Variants in THAP9 observed in about 807,000 individuals in gnomAD.
THAP9 encodes the protein DNA transposase THAP9.
Under a neutral mutation model 35.7 loss-of-function variants are expected in THAP9, and 20 were observed. That is an observed-to-expected ratio of 0.56 (90% CI 0.39 to 0.81). The LOEUF (loss-of-function observed/expected upper bound fraction) is 0.81, where lower values mean the gene tolerates loss of function less well. Among genes scored for constraint, THAP9 ranks in the 40% least tolerant of loss-of-function variants. The pLI, the probability that THAP9 is intolerant of heterozygous loss-of-function variation, is 0.00. For synonymous variants in THAP9, 335 were observed against 373.7 expected (o/e 0.90, Z 1.19); for missense variants, 870 against 1,047.4 (o/e 0.83, Z 2.34).
chr4:82,910,835 C>T lies in THAP9; in HGVS notation c.731+2900C>T. 7 of 359,810 alleles carry T rather than the reference C, an allele frequency of 1.9e-5. 1 individual carries two copies. Among genetic ancestry groups the T allele is most frequent in the South Asian group, 1.3e-4 (6 of 47,322 alleles). 22.3% of individuals were successfully genotyped at this position (359,810 alleles called of 1,614,324 possible). A position where few individuals can be genotyped will look rare whatever the true frequency, so the allele number is the denominator to read the frequency against. On this transcript the variant is annotated intron_variant, in intron 4 of 4. Transcript: ENST00000302236. Reference sequence around the variant, plus strand: ...AGGTAAGATGAGGACAGAGAATTGACCATTGGATTTTGCAAGATGAAGGTC... The same window carrying T: ...AGGTAAGATGAGGACAGAGAATTGATCATTGGATTTTGCAAGATGAAGGTC...
intron 4 of THAP9, among the ~76,000 whole-genome samples, chr4:82,915,142 C>G (rs1720995152): frequency 6.6e-6 from 1 of 152,074 alleles, no homozygotes; most frequent in Non-Finnish European, 1.5e-5. Context: ...CCGGTTTGCC[C>G]TATTTTAATA....
In THAP9 at chr4:82,918,161, AAGTTTTTCT is replaced by A; in HGVS notation, c.1951_1959del (p.Val651_Leu653del). On this transcript the variant is annotated inframe_deletion, in exon 5 of 5. Transcript: ENST00000302236. ...GAGACCAGATACAAATTTCAAGATGAAGTTTTTCTAAGCAAAGTAAGCATCTTTGACATT... is the reference window on the plus strand; with the variant it reads ...GAGACCAGATACAAATTTCAAGATGAAAGCAAAGTAAGCATCTTTGACATT... 6.2e-7 allele frequency: 1 copy of A among 1,614,158 alleles called. No homozygotes were observed. The highest frequency in any genetic ancestry group is 8.5e-7 in the Non-Finnish European group (1 of 1,179,998).
chr4:82,906,069 C>G, intron 2 of THAP9: 1 of 423,476 alleles, frequency 2.4e-6, no homozygotes, highest in Non-Finnish European at 4.4e-6. Flanking sequence ...TCCCAGTTTA[C>G]TACCACCTTT....
chr4:82,917,728 G>A lies in THAP9; in HGVS notation c.1516G>A (p.Gly506Ser). Residue 506 changes from glycine (G) to serine (S), a missense_variant, in exon 5 of 5, where the codon GGT becomes AGT. By Grantham distance (56) the Gly-to-Ser change is moderately conservative. Coordinates refer to ENST00000302236, the MANE Select transcript of THAP9 (RefSeq NM_024672.6). Reference protein sequence around the residue: ...LDLPPFQNCIGTIHFLRLINN... With the variant: ...LDLPPFQNCISTIHFLRLINN... Reference sequence around the variant, plus strand: ...CCTGCCACCTTTTCAAAACTGTATTGGTACCATCCATTTTTTACGTTTAAT... The same window carrying A: ...CCTGCCACCTTTTCAAAACTGTATTAGTACCATCCATTTTTTACGTTTAAT... 1 of 1,613,734 alleles carries A rather than the reference G, an allele frequency of 6.2e-7. No individual in the cohort carries two copies. Among genetic ancestry groups the A allele is most frequent in the Non-Finnish European group, 8.5e-7 (1 of 1,179,860 alleles).
At position 82,917,544 on chromosome 4, in the gene THAP9, C is replaced by T. The variant is rs1560699290; in HGVS notation, c.1332C>T (p.Leu444=). 20 of 1,613,674 alleles carry T rather than the reference C, an allele frequency of 1.2e-5. No homozygotes were observed. Among genetic ancestry groups the T allele is most frequent in the East Asian group, 2.2e-5 (1 of 44,872 alleles). The change falls in exon 5 of 5, where the codon CTC becomes CTT. Residue 444 remains leucine (L), a synonymous_variant. Transcript: ENST00000302236. ...FINGIAHWQH[L]VELVALEEQE... Reference sequence around the variant, plus strand: ...ATGGTATAGCACATTGGCAGCACCTCGTGGAGTTAGTAGCACTGGAGGAAC... The same window carrying T: ...ATGGTATAGCACATTGGCAGCACCTTGTGGAGTTAGTAGCACTGGAGGAAC...
In THAP9 at chr4:82,917,339, C is replaced by T. The variant is rs1237942405; in HGVS notation, c.1127C>T (p.Thr376Ile). 2.5e-6 allele frequency: 4 copies of T among 1,613,386 alleles called. No individual in the cohort carries two copies. The highest frequency in any genetic ancestry group is 2.5e-6 in the Non-Finnish European group (3 of 1,179,542). ...GTTCTGGCTGTTACATCTGATGCCA[C>T]AGCACATAGTGTTCAGATGGCAAAA... ...ITVLAVTSDA[T>I]AHSVQMAKAL... The change falls in exon 5 of 5, where the codon ACA becomes ATA. Residue 376 changes from threonine (T) to isoleucine (I), a missense_variant. Thr to Ile is a moderately conservative substitution (Grantham distance 89). Transcript: ENST00000302236.
rs780483417 is a variant in THAP9, at chr4:82,916,989, T to G, written c.777T>G (p.Ile259Met). 1 of 1,552,438 alleles carries G rather than the reference T, an allele frequency of 6.4e-7. No homozygotes were observed. Among genetic ancestry groups the G allele is most frequent in the Non-Finnish European group, 8.7e-7 (1 of 1,151,968 alleles). Residue 259 changes from isoleucine (I) to methionine (M), a missense_variant, in exon 5 of 5, where the codon ATT (isoleucine) becomes ATG (methionine). This residue lies in a region of THAP9 where 440 missense variants were observed against 501.2 expected (regional missense o/e 0.88). Transcript: ENST00000302236. ...CCAGTCCAGGTTTCAACAGCAACAT[T>G]TTTTCTTTTCTTCAACGAAGAGTAG... is the stretch of plus-strand genomic sequence containing the variant. ...CQPSPGFNSN[I>M]FSFLQRRVEN... is the part of the protein sequence containing the mutation.
chr4:82,908,028 T>C (rs1452248961), intron 4 of THAP9, 93 bp downstream of exon 4: 5 of 1,292,398 alleles, frequency 3.9e-6, no homozygotes, highest in East Asian at 5.0e-5. Flanking sequence ...TGTTAAACCA[T>C]ATTATTCTTT....
chr4:82,917,638 A>G lies in THAP9; in HGVS notation c.1426A>G (p.Asn476Asp), dbSNP rs769715839. 12 of 1,613,944 alleles carry G rather than the reference A, an allele frequency of 7.4e-6. No individual in the cohort carries two copies. The Admixed American group carries it at 2.0e-4, about 27-fold the overall frequency. The change falls in exon 5 of 5, where the codon AAT (asparagine) becomes GAT (aspartate). Residue 476 changes from asparagine (N) to aspartate (D), a missense_variant. Around this residue, in one of 3 missense-constraint regions of THAP9, gnomAD observed 414 missense variants for 500.8 expected, o/e 0.83. Coordinates refer to ENST00000302236, the MANE Select transcript of THAP9 (RefSeq NM_024672.6). ...TTTGAAAAATCATGTACTGAAAGTGAATAGTGCCACCCAACTCTTTAGTGA... is the reference window on the plus strand; with the variant it reads ...TTTGAAAAATCATGTACTGAAAGTGGATAGTGCCACCCAACTCTTTAGTGA... ...ANLKNHVLKV[N>D]SATQLFSESV... is the part of the protein sequence containing the mutation.
In THAP9 at chr4:82,918,217, T is replaced by C. The variant is rs1045164270; in HGVS notation, c.2005T>C (p.Leu669=). ...FDISIARRKD[L]ALWTVQRQYG... The stretch of plus-strand genomic sequence containing the variant: ...CATTTCAATTGCTCGAAGGAAAGAC[T>C]TGGCGCTTTGGACAGTTCAACGTCA... Residue 669 remains leucine, a synonymous_variant, in exon 5 of 5, where the codon TTG becomes CTG. Transcript: ENST00000302236. 2 of 1,614,078 alleles carry C rather than the reference T, an allele frequency of 1.2e-6. No homozygotes were observed. The highest frequency in any genetic ancestry group is 2.7e-5 in the African/African-American group (2 of 74,946).
chr4:82,904,600 T>G (rs1325960884), intron 1 of THAP9, 136 bp from the exon 2 acceptor site: 59 of 799,428 alleles, frequency 7.4e-5, no homozygotes, highest in Non-Finnish European at 1.1e-4. Context: ...ATGAACTAAG[T>G]AAATTAAACT....
At chr4:82,905,794 G>T in intron 2 of THAP9, 1 of 450,532 alleles carries the variant, frequency 2.2e-6, no homozygotes, top group South Asian at 1.6e-5. Flanking sequence ...CATTGTACTA[G>T]GAGATTTACA....
chr4:82,907,739 A>G, intron 3 of THAP9, 46 bp from the exon 4 acceptor site: 1 of 1,440,422 alleles, frequency 6.9e-7, no homozygotes, highest in Non-Finnish European at 9.4e-7. Context: ...CTGTACCTGA[A>G]AATTTTACTA....
In THAP9 at chr4:82,918,687, A is replaced by G. The variant is rs1345818695; in HGVS notation, c.2475A>G (p.Glu825=). 2.5e-6 allele frequency: 4 copies of G among 1,613,912 alleles called. No individual in the cohort carries two copies. Among genetic ancestry groups the G allele is most frequent in the South Asian group, 2.2e-5 (2 of 91,080 alleles). Residue 825 remains glutamate, a synonymous_variant, in exon 5 of 5, where the codon GAA becomes GAG. Transcript: ENST00000302236. The part of the protein sequence containing the change: ...VDVNKHLFDG[E]VCAINHFVKL... ...TGAATAAGCATCTCTTTGATGGAGA[A>G]GTGTGTGCCATCAATCACTTTGTCA... is the stretch of plus-strand genomic sequence containing the variant.
chr4:82,914,530 G>C (rs1720976968), intron 4 of THAP9, among the ~76,000 whole-genome samples: 2 of 152,290 alleles, frequency 1.3e-5, no homozygotes, highest in South Asian at 2.1e-4. Context: ...ACTGGTGTGG[G>C]ATAGTATCTC....
rs758930726 is a variant in THAP9 at position 82,907,769 on chromosome 4, A to G, written c.581-16A>G. 2.6e-6 allele frequency: 4 copies of G among 1,561,672 alleles called. No individual in the cohort carries two copies. The highest frequency in any genetic ancestry group is 8.6e-7 in the Non-Finnish European group (1 of 1,158,652). On this transcript the variant is annotated splice_polypyrimidine_tract_variant and intron_variant, in intron 3 of 4. Transcript: ENST00000302236. ...TTACTATTCATCACAAAGAATAAAA[A>G]AATTTATTTTAACAGATTTTAAGTG...
intron 4 of THAP9, among the ~76,000 whole-genome samples, chr4:82,911,491 G>A (rs1275569638): frequency 6.6e-6 from 1 of 152,174 alleles, no homozygotes; most frequent in African/African-American, 2.4e-5. Context: ...CTACTCGGGA[G>A]GCTGAGGCAG....
Position 82,917,555 on chromosome 4 carries a change from T to C in THAP9, c.1343T>C (p.Val448Ala), listed in dbSNP as rs1383272319. The C allele has an allele frequency of 5.0e-6, 8 of 1,613,868 alleles. No homozygotes were observed. The highest frequency in any genetic ancestry group is 1.3e-5 in the African/African-American group (1 of 74,946). The change falls in exon 5 of 5, where the codon GTA (valine) becomes GCA (alanine). Residue 448 changes from valine (V) to alanine (A), a missense_variant. Coordinates refer to ENST00000302236, the MANE Select transcript of THAP9 (RefSeq NM_024672.6). ...CATTGGCAGCACCTCGTGGAGTTAG[T>C]AGCACTGGAGGAACAGGAATTATCA... Reference protein sequence around the residue: ...IAHWQHLVELVALEEQELSNM... With the variant: ...IAHWQHLVELAALEEQELSNM...
At chr4:82,904,633 T>C (rs1479281208) in intron 1 of THAP9, 103 bp from the exon 2 acceptor site, 1 of 1,013,332 alleles carries the variant, frequency 9.9e-7, no homozygotes, top group Non-Finnish European at 1.4e-6. Flanking sequence ...GGCTTTATGT[T>C]TCTATAAAGC....
Sources: gnomAD v4.1 joint callset for allele counts (sites outside exome capture counted in the v4.1 genomes callset) on GRCh38, gnomAD v4.1.1 for gene constraint, gnomAD v4.1.1 regional missense constraint, MANE v1.5 for transcripts, NCBI Gene and HGNC (gene_info 2026-07-23, HGNC 2026-07-21) for gene names.